HCN1: variants seen among roughly 807,000 people sequenced by gnomAD.
HCN1 encodes the protein hyperpolarization activated cyclic nucleotide gated potassium channel 1, also known as potassium/sodium hyperpolarization-activated cyclic nucleotide-gated channel 1.
Under a neutral mutation model 78.9 loss-of-function variants are expected in HCN1, and 13 were observed. The ratio of observed to expected loss-of-function variants is 0.16; its 90% CI spans 0.11 to 0.26. HCN1 has a LOEUF of 0.26. HCN1 is among the 10% of genes least tolerant of loss of function. The pLI is 1.00. For missense variants in HCN1, 810 were observed against 1,154.3 expected (o/e 0.70, Z 4.32); for synonymous variants, 552 against 455.5 (o/e 1.21, Z -2.70).
At position 45,519,771 on chromosome 5, in the gene HCN1, C is replaced by A. The variant is rs1027356884; in HGVS notation, c.850-57764G>T. On this transcript the variant is annotated intron_variant, in intron 2 of 7. Coordinates refer to ENST00000303230, the MANE Select transcript of HCN1 (RefSeq NM_021072.4). ...CCAAAAGGAAAATTTTATTTTCTGTCTTTTACAAACTTGCTGTATTCATTC... is the reference window on the plus strand; with the variant it reads ...CCAAAAGGAAAATTTTATTTTCTGTATTTTACAAACTTGCTGTATTCATTC... Among the ~76,000 whole-genome samples the A allele has an allele frequency of 3.3e-5, 5 of 151,612 alleles. No homozygotes were observed. In the East Asian group the frequency reaches 9.7e-4, roughly 29 times the overall value.
chr5:45,544,765 C>T (rs1405751498), intron 2 of HCN1, among the ~76,000 whole-genome samples: 1 of 152,102 alleles, frequency 6.6e-6, no homozygotes, highest in African/African-American at 2.4e-5. Flanking sequence ...CATGTCCCTA[C>T]AAAGGACATG....
At position 45,436,849 on chromosome 5, in the gene HCN1, C is replaced by T. The variant is rs143891377; in HGVS notation, c.1011+24997G>A. On this transcript the variant is annotated intron_variant, in intron 3 of 7. Transcript: ENST00000303230. Reference sequence around the variant, plus strand: ...GAATAAAGAATTCCAAGGCTAACTACATATAGCCTAGCTCCCTCATTTTAC... The same window carrying T: ...GAATAAAGAATTCCAAGGCTAACTATATATAGCCTAGCTCCCTCATTTTAC... 9.8e-5 allele frequency among the ~76,000 whole-genome samples: 15 copies of T among 152,304 alleles called. No homozygotes were observed. In the East Asian group the frequency reaches 2.9e-3, roughly 29 times the overall value.
rs1289801908 is a variant in HCN1 at position 45,589,322 on chromosome 5, C to T, written c.849+55863G>A. Among the ~76,000 whole-genome samples the T allele has an allele frequency of 2.6e-5, 4 of 152,094 alleles. No homozygotes were observed. In the East Asian group the frequency reaches 7.7e-4, roughly 29 times the overall value. The stretch of plus-strand genomic sequence containing the variant: ...GGGAAGAAATAATGTGATATAGGGG[C>T]TAGAAAACTGGCTGTAAAAGGAGGA... On this transcript the variant is annotated intron_variant, in intron 2 of 7. Transcript: ENST00000303230.
intron 3 of HCN1, among the ~76,000 whole-genome samples, chr5:45,431,675 A>C (rs1740466309): frequency 6.6e-6 from 1 of 152,158 alleles, no homozygotes; most frequent in Non-Finnish European, 1.5e-5. Flanking sequence ...TCCCCAAACC[A>C]TTTATTGACT....
At chr5:45,508,711 T>C (rs562028168) in intron 2 of HCN1, among the ~76,000 whole-genome samples, 86 of 152,234 alleles carry the variant, frequency 5.6e-4, no homozygotes, top group African/African-American at 1.9e-3. Context: ...TATCAACCAA[T>C]AATATAAAGC....
intron 5 of HCN1, among the ~76,000 whole-genome samples, chr5:45,336,336 A>T (rs1746455667): frequency 6.6e-6 from 1 of 152,120 alleles, no homozygotes; most frequent in South Asian, 2.1e-4. Context: ...ACATCTTAAG[A>T]ATTTTCCTCA....
At chr5:45,306,432 T>C (rs1745735824) in intron 5 of HCN1, among the ~76,000 whole-genome samples, 1 of 152,148 alleles carries the variant, frequency 6.6e-6, no homozygotes. Flanking sequence ...ACTACTGGAA[T>C]AATTTCATAT....
chr5:45,467,660 C>A (rs1741301489), intron 2 of HCN1, among the ~76,000 whole-genome samples: 2 of 152,010 alleles, frequency 1.3e-5, no homozygotes, highest in African/African-American at 2.4e-5. Context: ...TTCCCTATTC[C>A]TAACAACAAC....
rs1057375179 is a variant in HCN1, at chr5:45,258,076, A to G, written c.*3845T>C. 2 of 152,196 alleles carry G rather than the reference A, an allele frequency of 1.3e-5. No individual in the cohort carries two copies. Among genetic ancestry groups the G allele is most frequent in the East Asian group, 3.9e-4 (2 of 5,194 alleles). The allele number at this position is 152,196 out of a possible 1,614,324, so 9.4% of individuals were successfully genotyped here. Reference sequence around the variant, plus strand: ...AAAGATAAAGATATAATGGAGAGATATCTCATTCAAACAGGTTAACATTAT... The same window carrying G: ...AAAGATAAAGATATAATGGAGAGATGTCTCATTCAAACAGGTTAACATTAT... On this transcript the variant is annotated 3_prime_UTR_variant, in exon 8 of 8. Coordinates refer to ENST00000303230, the MANE Select transcript of HCN1 (RefSeq NM_021072.4).
At chr5:45,374,256 A>G (rs990917799) in intron 4 of HCN1, among the ~76,000 whole-genome samples, 14 of 124,626 alleles carry the variant, frequency 1.1e-4, no homozygotes, top group Admixed American at 3.0e-4. Context: ...TGTACATTAT[A>G]TACATAACAT....
chr5:45,654,526 T>A (rs1194293971), intron 1 of HCN1, among the ~76,000 whole-genome samples: 1 of 152,166 alleles, frequency 6.6e-6, no homozygotes, highest in Non-Finnish European at 1.5e-5. Context: ...TCAGTGGTCA[T>A]GTCGTTCTCA....
In HCN1 at chr5:45,291,371, C is replaced by T. The variant is rs535965204; in HGVS notation, c.1618+12228G>A. Among the ~76,000 whole-genome samples, 12 of 152,034 alleles carry T rather than the reference C, an allele frequency of 7.9e-5. No homozygotes were observed. In the South Asian group the frequency reaches 8.3e-4, roughly 11 times the overall value. On this transcript the variant is annotated intron_variant, in intron 6 of 7. Coordinates refer to ENST00000303230, the MANE Select transcript of HCN1 (RefSeq NM_021072.4). ...TCGTTCTGTTTTCTGGACACCACAC[C>T]GAGCTCATCTTTTATAAATCTTTCA...
At chr5:45,523,130 T>A (rs1288307075) in intron 2 of HCN1, among the ~76,000 whole-genome samples, 2 of 152,040 alleles carry the variant, frequency 1.3e-5, no homozygotes, top group African/African-American at 4.8e-5. Flanking sequence ...GTCCTTGTGA[T>A]AGTTTACTGA....
chr5:45,469,662 T>A (rs1741347351), intron 2 of HCN1, among the ~76,000 whole-genome samples: 1 of 151,990 alleles, frequency 6.6e-6, no homozygotes, highest in Admixed American at 6.6e-5. Context: ...GAAGTTTTTT[T>A]CTAAAATTTA....
chr5:45,338,412 G>T (rs1242804078), intron 5 of HCN1, among the ~76,000 whole-genome samples: 1 of 152,116 alleles, frequency 6.6e-6, no homozygotes, highest in Non-Finnish European at 1.5e-5. Context: ...AAGATAACAT[G>T]TTGTTGACAT....
intron 2 of HCN1, among the ~76,000 whole-genome samples, chr5:45,465,961 G>A (rs1741263019): frequency 1.3e-5 from 2 of 152,022 alleles, no homozygotes; most frequent in South Asian, 4.1e-4. Flanking sequence ...TTTAGTTGGA[G>A]TCCAATAACT....
chr5:45,421,853 T>C (rs1417433045), intron 3 of HCN1, among the ~76,000 whole-genome samples: 1 of 152,210 alleles, frequency 6.6e-6, no homozygotes, highest in Non-Finnish European at 1.5e-5. Flanking sequence ...TAGCATTTCC[T>C]TGGTGCTTGC....
intron 5 of HCN1, among the ~76,000 whole-genome samples, chr5:45,340,023 AT>A (rs1394914853): frequency 1.3e-5 from 2 of 152,088 alleles, no homozygotes; most frequent in African/African-American, 4.8e-5. Flanking sequence ...GGTTCAAGTG[AT>A]TCTCCTGCCT....
intron 3 of HCN1, among the ~76,000 whole-genome samples, chr5:45,426,933 G>T (rs1740363018): frequency 2.6e-5 from 4 of 151,950 alleles, no homozygotes; most frequent in Admixed American, 1.3e-4. Context: ...TCACATGAAA[G>T]GTATACTCAA....
Sources: gnomAD v4.1 joint callset for allele counts (sites outside exome capture counted in the v4.1 genomes callset) on GRCh38, gnomAD v4.1.1 for gene constraint, MANE v1.5 for transcripts, NCBI Gene and HGNC (gene_info 2026-07-23, HGNC 2026-07-21) for gene names.